The following FLT3 variants were observed in gnomAD, a reference collection of about 807,000 sequenced individuals.
FLT3 encodes fms related receptor tyrosine kinase 3.
Under a neutral mutation model 126.6 loss-of-function variants are expected in FLT3, and 46 were observed. That is an observed-to-expected ratio of 0.36 (90% CI 0.29 to 0.46). The LOEUF is 0.46. Ranked by LOEUF, FLT3 falls within the 20% of genes least tolerant of loss-of-function variation. The probability of loss-of-function intolerance (pLI) is 1.00; values close to 1 mark genes in which losing one functional copy is unlikely to be tolerated. For synonymous variants in FLT3, 404 were observed against 434.4 expected (o/e 0.93, Z 0.87); for missense variants, 1,069 against 1,190.3 (o/e 0.90, Z 1.50).
chr13:28,023,924 T>C (rs973903302), intron 18 of FLT3, among the ~76,000 whole-genome samples: 13 of 151,492 alleles, frequency 8.6e-5, no homozygotes, highest in Non-Finnish European at 1.5e-4. Context: ...TACAGGCTCA[T>C]GCTAATTTTT....
At chr13:28,083,213 T>C (rs1380181106) in intron 1 of FLT3, among the ~76,000 whole-genome samples, 3 of 152,234 alleles carry the variant, frequency 2.0e-5, no homozygotes, top group Admixed American at 1.3e-4. Context: ...TCAAATGCTT[T>C]GTCTGTATCT....
rs2387347 is a variant in FLT3 at position 28,047,670 on chromosome 13, C to T, written c.1205+605G>A. Among the ~76,000 whole-genome samples the T allele has an allele frequency of 9.0e-3, 1,348 of 148,988 alleles. 29 individuals are homozygous for T. Among genetic ancestry groups the T allele is most frequent in the African/African-American group, 0.031 (1,237 of 40,208 alleles). On this transcript the variant is annotated intron_variant, in intron 9 of 23. Coordinates refer to ENST00000241453, the MANE Select transcript of FLT3 (RefSeq NM_004119.3). The stretch of plus-strand genomic sequence containing the variant: ...GAGGTTGCAGTGAGCCAATATTGCA[C>T]CACTGCACTATAGCCTAGGTGACAG...
At chr13:28,050,024 T>A in intron 6 of FLT3, 71 bp downstream of exon 6, 1 of 1,519,064 alleles carries the variant, frequency 6.6e-7, no homozygotes, top group East Asian at 2.3e-5. Flanking sequence ...ACCTACGCAG[T>A]TACTGTTAGT....
chr13:28,045,897 G>A (rs1231220155), intron 9 of FLT3, among the ~76,000 whole-genome samples: 3 of 139,858 alleles, frequency 2.1e-5, no homozygotes, highest in Non-Finnish European at 4.6e-5. Context: ...AACAGCTTAC[G>A]ATGACTGTGG....
chr13:28,070,288 T>A (rs1342020975), intron 2 of FLT3, among the ~76,000 whole-genome samples: 3 of 152,106 alleles, frequency 2.0e-5, no homozygotes, highest in African/African-American at 7.2e-5. Flanking sequence ...CCTTCCTAAA[T>A]CCTCATATGA....
At chr13:28,011,309 CA>C (rs1232475142) in intron 23 of FLT3, among the ~76,000 whole-genome samples, 3 of 40,612 alleles carry the variant, frequency 7.4e-5, no homozygotes, top group African/African-American at 1.0e-4. Flanking sequence ...GACTCTGTCT[CA>C]AAAAAAAAGA....
At chr13:28,072,503 T>C (rs969348175) in intron 1 of FLT3, among the ~76,000 whole-genome samples, 3 of 152,012 alleles carry the variant, frequency 2.0e-5, no homozygotes, top group Admixed American at 6.6e-5. Context: ...TTTGAGTGAT[T>C]CTCCTGCCTC....
At chr13:28,040,380 T>C (rs534254466) in intron 9 of FLT3, among the ~76,000 whole-genome samples, 66 of 152,020 alleles carry the variant, frequency 4.3e-4, no homozygotes, top group Non-Finnish European at 7.8e-4. Flanking sequence ...AGGGGCTAGA[T>C]TGGATACAGA....
intron 9 of FLT3, among the ~76,000 whole-genome samples, chr13:28,042,610 G>A (rs1874489296): frequency 6.6e-6 from 1 of 152,140 alleles, no homozygotes; most frequent in South Asian, 2.1e-4. Flanking sequence ...AGTTAAATGA[G>A]GTAATACACC....
At chr13:28,029,662 A>G (rs1593234870) in intron 15 of FLT3, among the ~76,000 whole-genome samples, 1 of 152,236 alleles carries the variant, frequency 6.6e-6, no homozygotes. Flanking sequence ...GGTTGACTCT[A>G]GCCTGTGGCC....
chr13:28,100,502 C>G lies in FLT3; in HGVS notation c.9G>C (p.Ala3=). ...GCAGCTGGCCGCCGTCGCGCGCCAA[C>G]GCCGGCATGGCCTCCGGAGCCCGGG... MP[A]LARDGGQLPL... Residue 3 remains alanine, a synonymous_variant, in exon 1 of 24, where the codon GCG becomes GCC. Coordinates refer to ENST00000241453, the MANE Select transcript of FLT3 (RefSeq NM_004119.3). This position sits in a 1 kb window ranked among gnomAD's most constrained non-coding sequence, Gnocchi z 4.8. 3 of 1,216,466 alleles carry G rather than the reference C, an allele frequency of 2.5e-6. No individual in the cohort carries two copies. The highest frequency in any genetic ancestry group is 3.1e-6 in the Non-Finnish European group (3 of 978,192). 75.4% of individuals were successfully genotyped at this position (1,216,466 alleles called of 1,614,324 possible).
chr13:28,067,926 A>C, intron 2 of FLT3: 2 of 387,486 alleles, frequency 5.2e-6, no homozygotes, highest in South Asian at 4.9e-5. Context: ...ACCTGCCTGA[A>C]ATATGAGGTC....
intron 4 of FLT3, among the ~76,000 whole-genome samples, chr13:28,053,635 T>C (rs552805908): frequency 1.3e-5 from 2 of 152,176 alleles, no homozygotes; most frequent in Non-Finnish European, 2.9e-5. Context: ...CTAAACAATA[T>C]ATTGATTTTT....
intron 23 of FLT3, among the ~76,000 whole-genome samples, chr13:28,005,690 C>G (rs530505251): frequency 8.5e-5 from 13 of 152,276 alleles, no homozygotes; most frequent in African/African-American, 3.1e-4. Context: ...AGGATGCACA[C>G]TTGAACTGTG....
intron 2 of FLT3, among the ~76,000 whole-genome samples, chr13:28,065,926 C>T (rs1056557613): frequency 2.0e-5 from 3 of 151,730 alleles, no homozygotes; most frequent in Non-Finnish European, 4.4e-5. Context: ...TGCTTGAGTC[C>T]AGGAGTTCGA....
chr13:28,027,272 T>C (rs776829493), intron 16 of FLT3, 31 bp from the exon 17 acceptor site: 18 of 1,567,974 alleles, frequency 1.1e-5, no homozygotes, highest in African/African-American at 1.1e-4. Context: ...ATTATAGGCA[T>C]ACACAAAGCA....
chr13:28,059,245 C>T (rs1219381996), intron 3 of FLT3, among the ~76,000 whole-genome samples: 1 of 152,162 alleles, frequency 6.6e-6, no homozygotes. Context: ...GGGCCCGATA[C>T]CCCTTGCAGG....
chr13:28,083,466 TTGTC>T (rs1329829306), intron 1 of FLT3, among the ~76,000 whole-genome samples: 2 of 152,190 alleles, frequency 1.3e-5, no homozygotes, highest in African/African-American at 2.4e-5. Flanking sequence ...CTTTTAACCT[TTGTC>T]TGGTTTTGGT....
intron 3 of FLT3, among the ~76,000 whole-genome samples, chr13:28,060,466 T>TA (rs10629301): frequency 0.19 from 25,604 of 135,162 alleles, 2,452 homozygotes; most frequent in Middle Eastern, 0.25. Context: ...TAAAAATATT[T>TA]AAAAAAAAAA....
Sources: gnomAD v4.1 joint callset for allele counts (sites outside exome capture counted in the v4.1 genomes callset) on GRCh38, gnomAD v4.1.1 for gene constraint, Gnocchi (gnomAD v3.1) non-coding constraint, MANE v1.5 for transcripts, NCBI Gene and HGNC (gene_info 2026-07-23, HGNC 2026-07-21) for gene names.